ASPH: variants seen among roughly 807,000 people sequenced by gnomAD.
The protein encoded by ASPH is aspartate beta-hydroxylase.
In ASPH, 100 loss-of-function variants were observed where a neutral mutation model predicts 118.4. The ratio of observed to expected loss-of-function variants is 0.84; its 90% confidence interval spans 0.72 to 1.00. The LOEUF is 1.00. ASPH is among the 50% of genes least tolerant of loss of function. The pLI, the probability that ASPH is intolerant of heterozygous loss-of-function variation, is 0.00. For missense variants in ASPH, 920 were observed against 919.5 expected, an observed-to-expected ratio of 1.00 and a Z score of -0.01; for synonymous variants, 315 against 325.6, an observed-to-expected ratio of 0.97 and a Z score of 0.35.
intron 24 of ASPH, among the ~76,000 whole-genome samples, chr8:61,513,994 GTTTT>G (rs934358354): frequency 2.0e-5 from 3 of 152,044 alleles, no homozygotes; most frequent in Non-Finnish European, 4.4e-5. Flanking sequence ...TCCTGCATTT[GTTTT>G]TTTGTTTTTT....
intron 24 of ASPH, among the ~76,000 whole-genome samples, chr8:61,507,172 G>C (rs752667510): frequency 6.6e-6 from 1 of 152,096 alleles, no homozygotes; most frequent in African/African-American, 2.4e-5. Flanking sequence ...ATTAGCACCG[G>C]AACACGCTGG....
chr8:61,663,244 G>C, intron 3 of ASPH: 2 of 985,294 alleles, frequency 2.0e-6, no homozygotes, highest in Non-Finnish European at 2.4e-6. Flanking sequence ...TGAAGTTTGA[G>C]TGGGACCCAC....
At chr8:61,587,271 G>A (rs746727872) in intron 14 of ASPH, among the ~76,000 whole-genome samples, 10 of 152,192 alleles carry the variant, frequency 6.6e-5, no homozygotes, top group Non-Finnish European at 1.5e-4. Flanking sequence ...GCCATTATAT[G>A]TTACCATATA....
At position 61,641,642 on chromosome 8, in the gene ASPH, G is replaced by T. The variant is rs547113831; in HGVS notation, c.790+1246C>A. On this transcript the variant is annotated intron_variant, in intron 10 of 24. Coordinates refer to ENST00000379454, the MANE Select transcript of ASPH (RefSeq NM_004318.4). ...CACTATAGATGATGAACTTGGTAGGGTCTCAAATCTTAAATCATCATATAA... is the reference window on the plus strand; with the variant it reads ...CACTATAGATGATGAACTTGGTAGGTTCTCAAATCTTAAATCATCATATAA... 4.6e-5 allele frequency among the ~76,000 whole-genome samples: 7 copies of T among 152,124 alleles called. No individual in the cohort carries two copies. In the East Asian group the frequency reaches 1.2e-3, roughly 25 times the overall value.
chr8:61,638,367 A>T lies in ASPH; in HGVS notation c.791-4T>A. 6.6e-7 allele frequency: 1 copy of T among 1,510,902 alleles called. No individual in the cohort carries two copies. Among genetic ancestry groups the T allele is most frequent in the Non-Finnish European group, 9.0e-7 (1 of 1,113,774 alleles). The allele number at this position is 1,510,902 out of a possible 1,614,324, so 93.6% of individuals were successfully genotyped here. A position where few individuals can be genotyped will look rare whatever the true frequency, so the allele number is the denominator to read the frequency against. On this transcript the variant is annotated splice_region_variant and splice_polypyrimidine_tract_variant and intron_variant, in intron 10 of 24. Coordinates refer to ENST00000379454, the MANE Select transcript of ASPH (RefSeq NM_004318.4). ...TTTTCTAGAGGTTCATATACTGCTAAAAAAAAAAAAACAGAAACAAAATCC... is the reference window on the plus strand; with the variant it reads ...TTTTCTAGAGGTTCATATACTGCTATAAAAAAAAAAACAGAAACAAAATCC...
At chr8:61,559,941 T>G (rs1829206580) in intron 18 of ASPH, among the ~76,000 whole-genome samples, 1 of 151,850 alleles carries the variant, frequency 6.6e-6, no homozygotes, top group Non-Finnish European at 1.5e-5. Context: ...TGGTGAGGGT[T>G]GGGGGGGGGA....
intron 10 of ASPH, among the ~76,000 whole-genome samples, chr8:61,639,370 A>G (rs1803984328): frequency 6.6e-6 from 1 of 151,950 alleles, no homozygotes; most frequent in Non-Finnish European, 1.5e-5. Context: ...CATCCCTGAA[A>G]AGGCTCCTGC....
chr8:61,702,449 T>C (rs375434638), intron 1 of ASPH, among the ~76,000 whole-genome samples: 2 of 152,042 alleles, frequency 1.3e-5, no homozygotes, highest in East Asian at 1.9e-4. Context: ...CACACCCGGC[T>C]AATTTTTTTT....
chr8:61,652,569 G>A (rs1025485511), intron 4 of ASPH, among the ~76,000 whole-genome samples: 4 of 152,160 alleles, frequency 2.6e-5, no homozygotes, highest in African/African-American at 7.2e-5. Context: ...AGTAATAGTG[G>A]ATTCTTCTTT....
chr8:61,702,328 A>G (rs1261959706), intron 1 of ASPH, among the ~76,000 whole-genome samples: 1 of 128,766 alleles, frequency 7.8e-6, no homozygotes, highest in African/African-American at 3.0e-5. Flanking sequence ...TCTGTCGCCC[A>G]GCCTGGAGTG....
At position 61,683,932 on chromosome 8, in the gene ASPH, G is replaced by A. The variant is rs528692886; in HGVS notation, c.253+107C>T. The A allele has an allele frequency of 6.1e-6, 8 of 1,303,582 alleles. No individual in the cohort carries two copies. The South Asian group carries it at 8.7e-5, about 14-fold the overall frequency. The allele number at this position is 1,303,582 out of a possible 1,614,324, so 80.8% of individuals were successfully genotyped here. On this transcript the variant is annotated intron_variant, in intron 2 of 24. Transcript: ENST00000379454. ...CTCACTCTATTGAGAACCACTGAAA[G>A]GCTATAGAAATTACCAGTACCAGAA...
intron 12 of ASPH, among the ~76,000 whole-genome samples, chr8:61,636,389 A>C (rs1229248853): frequency 6.6e-6 from 1 of 152,158 alleles, no homozygotes; most frequent in Non-Finnish European, 1.5e-5. Context: ...GGGAGAGAGG[A>C]CTCAAAAACG....
At chr8:61,510,856 A>C (rs1808570516) in intron 24 of ASPH, among the ~76,000 whole-genome samples, 2 of 152,230 alleles carry the variant, frequency 1.3e-5, no homozygotes, top group African/African-American at 4.8e-5. Flanking sequence ...CCTGTGGATA[A>C]GGTCACACTG....
intron 13 of ASPH, among the ~76,000 whole-genome samples, chr8:61,620,186 T>C (rs779489876): frequency 5.3e-5 from 8 of 152,222 alleles, no homozygotes; most frequent in Non-Finnish European, 1.0e-4. Context: ...AAATCTAGCG[T>C]GCCAGGCTAA....
At chr8:61,596,369 C>A (rs570607004) in intron 14 of ASPH, among the ~76,000 whole-genome samples, 1 of 152,330 alleles carries the variant, frequency 6.6e-6, no homozygotes, top group Admixed American at 6.5e-5. Context: ...ACTGCCATGG[C>A]CAATACCACA....
At chr8:61,672,254 AG>A (rs1822942918) in intron 3 of ASPH, among the ~76,000 whole-genome samples, 1 of 152,194 alleles carries the variant, frequency 6.6e-6, no homozygotes, top group Non-Finnish European at 1.5e-5. Context: ...AAAAAGAAGA[AG>A]AAAAAGCTAC....
intron 14 of ASPH, among the ~76,000 whole-genome samples, chr8:61,595,120 C>A (rs1051907746): frequency 6.6e-6 from 1 of 152,216 alleles, no homozygotes; most frequent in African/African-American, 2.4e-5. Context: ...ATGAGAGAAA[C>A]CCCAAGAGTG....
At chr8:61,578,558 G>A in intron 15 of ASPH, 1 of 1,522,566 alleles carries the variant, frequency 6.6e-7, no homozygotes, top group Non-Finnish European at 9.1e-7. Flanking sequence ...GGTTCCTGGA[G>A]CAGCAGAACA....
chr8:61,636,066 C>A (rs540813332), intron 12 of ASPH, among the ~76,000 whole-genome samples: 283 of 152,256 alleles, frequency 1.9e-3, no homozygotes, highest in Non-Finnish European at 3.7e-3. Context: ...GTTTGAGTTT[C>A]GTTTTCTATT....
Sources: allele counts gnomAD v4.1 joint callset (sites outside exome capture counted in the v4.1 genomes callset), GRCh38; gene constraint gnomAD v4.1.1; transcripts MANE v1.5; gene names NCBI Gene and HGNC (gene_info 2026-07-23, HGNC 2026-07-21).